The following IFT74 variants were observed in gnomAD, a reference collection of about 807,000 sequenced individuals.
IFT74 encodes intraflagellar transport 74.
IFT74 carries 92 observed loss-of-function variants against 96.7 expected under a neutral mutation model. The ratio of observed to expected loss-of-function variants is 0.95; its 90% CI spans 0.80 to 1.13. The LOEUF (loss-of-function observed/expected upper bound fraction) is 1.13. Among genes scored for constraint, IFT74 ranks in the 50% most tolerant of loss-of-function variants. The pLI, the probability that IFT74 is intolerant of heterozygous loss-of-function variation, is 0.00. For missense variants in IFT74, 811 were observed against 698.2 expected, an observed-to-expected ratio of 1.16 and a Z score of -1.82; for synonymous variants, 223 against 213.2, an observed-to-expected ratio of 1.05 and a Z score of -0.40.
intron 13 of IFT74, among the ~76,000 whole-genome samples, chr9:27,034,854 G>A (rs1483310671): frequency 1.3e-5 from 2 of 152,126 alleles, no homozygotes; most frequent in East Asian, 3.9e-4. Flanking sequence ...TTAAGCACAT[G>A]TCCTGTTACT....
At chr9:27,007,490 G>A (rs1828853704) in intron 8 of IFT74, among the ~76,000 whole-genome samples, 1 of 152,116 alleles carries the variant, frequency 6.6e-6, no homozygotes, top group Admixed American at 6.5e-5. Context: ...TGTAGCAGCA[G>A]GAAACACATT....
intron 10 of IFT74, among the ~76,000 whole-genome samples, chr9:27,012,467 C>T (rs967932560): frequency 6.6e-6 from 1 of 152,160 alleles, no homozygotes; most frequent in South Asian, 2.1e-4. Flanking sequence ...ATGCTCCTGC[C>T]TTGGCTTCCC....
intron 15 of IFT74, 91 bp downstream of exon 15, chr9:27,047,462 T>G (rs16910953): frequency 1.5e-6 from 1 of 670,202 alleles, no homozygotes; most frequent in African/African-American, 1.9e-5. Flanking sequence ...GGCTCACTAT[T>G]GTATCTTCTC....
intron 1 of IFT74, chr9:26,947,207 G>A: frequency 3.7e-6 from 3 of 813,710 alleles, no homozygotes; most frequent in Non-Finnish European, 3.6e-6. Context: ...GGCTGGGAAG[G>A]GGCGCGCCGA....
chr9:27,006,605 C>T (rs1045463137), intron 8 of IFT74, among the ~76,000 whole-genome samples: 1 of 124,858 alleles, frequency 8.0e-6, no homozygotes, highest in African/African-American at 3.1e-5. Flanking sequence ...GAAAGAAAGA[C>T]AGAAAGAGGG....
chr9:26,959,205 T>C (rs1486981987), intron 1 of IFT74, among the ~76,000 whole-genome samples: 1 of 152,150 alleles, frequency 6.6e-6, no homozygotes, highest in Non-Finnish European at 1.5e-5. Context: ...GCCTTCCGGG[T>C]TCACGCCATT....
chr9:27,057,837 G>A (rs960366433), intron 18 of IFT74, among the ~76,000 whole-genome samples: 7 of 151,784 alleles, frequency 4.6e-5, no homozygotes, highest in South Asian at 2.1e-4. Context: ...CAGCCTGGGT[G>A]ACAGAGCGAG....
At chr9:26,948,448 A>ATTTTTTTTTTTTTTTTTTTTTTTTTTTTT (rs71841244) in intron 1 of IFT74, among the ~76,000 whole-genome samples, 1 of 59,164 alleles carries the variant, frequency 1.7e-5, no homozygotes, top group East Asian at 2.9e-4. Context: ...GCTTTCCATT[A>ATTTTTTTTTTTTTTTTTTTTTTTTTTTTT]TTTTTTTTTT....
intron 8 of IFT74, among the ~76,000 whole-genome samples, chr9:27,005,908 C>T (rs1033677558): frequency 1.6e-4 from 25 of 152,012 alleles, no homozygotes; most frequent in African/African-American, 3.9e-4. Context: ...GGCATGATCT[C>T]GGCTCAATGC....
chr9:27,027,406 C>T (rs1321380198), intron 12 of IFT74, among the ~76,000 whole-genome samples: 1 of 152,080 alleles, frequency 6.6e-6, no homozygotes, highest in African/African-American at 2.4e-5. Flanking sequence ...TACTGTTTTA[C>T]ATTTCTATGT....
At chr9:26,993,760 C>T (rs1332046662) in intron 8 of IFT74, 2 of 152,180 alleles carry the variant, frequency 1.3e-5, no homozygotes, top group Non-Finnish European at 2.9e-5. Flanking sequence ...ATTTAGCTCC[C>T]AGCTCCATCA....
chr9:27,038,253 T>C (rs1357189213), intron 13 of IFT74, among the ~76,000 whole-genome samples: 2 of 152,020 alleles, frequency 1.3e-5, no homozygotes, highest in African/African-American at 4.8e-5. Context: ...GTCAGGAATA[T>C]GGTTTTGTTT....
chr9:27,060,507 A>AT (rs1300070851), intron 18 of IFT74, 84 bp from the exon 19 acceptor site: 60 of 792,332 alleles, frequency 7.6e-5, no homozygotes, highest in Middle Eastern at 2.7e-4. Context: ...AGTTGGAGAG[A>AT]TTTTTTTTGT....
At chr9:27,056,839 G>A (rs1160077495) in intron 18 of IFT74, among the ~76,000 whole-genome samples, 2 of 150,518 alleles carry the variant, frequency 1.3e-5, no homozygotes. Context: ...TTGCTTTAGT[G>A]TGGGTTCTTT....
intron 6 of IFT74, among the ~76,000 whole-genome samples, chr9:26,986,766 G>T (rs1165599203): frequency 3.3e-5 from 5 of 152,104 alleles, no homozygotes; most frequent in African/African-American, 1.2e-4. Flanking sequence ...GGGACTACAG[G>T]TGCATGCCAG....
At chr9:26,972,611 G>T (rs1462253878) in intron 2 of IFT74, among the ~76,000 whole-genome samples, 1 of 152,182 alleles carries the variant, frequency 6.6e-6, no homozygotes, top group Admixed American at 6.5e-5. Flanking sequence ...AGACGGTCAG[G>T]CTTCCACTGG....
At chr9:26,961,131 C>T (rs1490167225) in intron 1 of IFT74, among the ~76,000 whole-genome samples, 1 of 146,746 alleles carries the variant, frequency 6.8e-6, no homozygotes, top group Non-Finnish European at 1.5e-5. Flanking sequence ...CGCTGTGTCG[C>T]CCAGGCTGGA....
At chr9:26,980,700 A>ATTAAAGTT in intron 4 of IFT74, 81 bp downstream of exon 4, 2 of 879,268 alleles carry the variant, frequency 2.3e-6, no homozygotes, top group Non-Finnish European at 3.5e-6. Flanking sequence ...ATATAACTTT[A>ATTAAAGTT]ATATGAAGTT....
intron 5 of IFT74, 32 bp from the exon 6 acceptor site, chr9:26,984,467 T>C (rs1188858423): frequency 6.3e-7 from 1 of 1,596,780 alleles, no homozygotes; most frequent in Non-Finnish European, 8.6e-7. Context: ...TTTATGTACA[T>C]ATTTATGAAT....
Sources: gnomAD v4.1 joint callset for allele counts (sites outside exome capture counted in the v4.1 genomes callset) on GRCh38, gnomAD v4.1.1 for gene constraint, MANE v1.5 for transcripts, NCBI Gene and HGNC (gene_info 2026-07-23, HGNC 2026-07-21) for gene names.